The following ARHGAP15 variants were observed in gnomAD, a reference collection of about 807,000 sequenced individuals.
ARHGAP15 encodes rho GTPase-activating protein 15.
A neutral mutation model predicts 63.7 loss-of-function variants in ARHGAP15; 51 were observed. The observed-to-expected ratio is 0.80, with a 90% CI of 0.64 to 1.01. The LOEUF is 1.01. Among genes scored for constraint, ARHGAP15 ranks in the 50% least tolerant of loss-of-function variants. The pLI is 0.00. For missense variants in ARHGAP15, 560 were observed against 564.6 expected, an observed-to-expected ratio of 0.99 and a Z score of 0.08; for synonymous variants, 191 against 193.8, an observed-to-expected ratio of 0.99 and a Z score of 0.12.
chr2:143,364,708 C>T (rs1371982467), intron 6 of ARHGAP15, among the ~76,000 whole-genome samples: 1 of 152,122 alleles, frequency 6.6e-6, no homozygotes, highest in African/African-American at 2.4e-5. Context: ...GGAAAAAGGA[C>T]TCTCACAGAG....
chr2:143,658,975 AAGAAT>A (rs951714870), intron 12 of ARHGAP15, among the ~76,000 whole-genome samples: 7 of 152,208 alleles, frequency 4.6e-5, no homozygotes, highest in Non-Finnish European at 1.0e-4. Context: ...AGAGAAGGAG[AAGAAT>A]AGATGTAGGA....
chr2:143,275,930 C>CT (rs1189790838), intron 6 of ARHGAP15, among the ~76,000 whole-genome samples: 2 of 152,314 alleles, frequency 1.3e-5, no homozygotes, highest in Admixed American at 6.5e-5. Flanking sequence ...ACAGGTAGGG[C>CT]TTGTAAGTCT....
intron 6 of ARHGAP15, among the ~76,000 whole-genome samples, chr2:143,264,703 C>T (rs534410350): frequency 9.2e-5 from 14 of 151,944 alleles, no homozygotes; most frequent in East Asian, 7.7e-4. Flanking sequence ...AATATTGGGC[C>T]GGTTTGTTAC....
At chr2:143,341,560 T>C (rs1484058141) in intron 6 of ARHGAP15, among the ~76,000 whole-genome samples, 3 of 152,154 alleles carry the variant, frequency 2.0e-5, no homozygotes, top group Non-Finnish European at 4.4e-5. Context: ...GTTTTGGTTA[T>C]GCTTAGTCTA....
intron 11 of ARHGAP15, among the ~76,000 whole-genome samples, chr2:143,609,265 C>T (rs893018253): frequency 6.6e-6 from 1 of 152,176 alleles, no homozygotes; most frequent in African/African-American, 2.4e-5. Flanking sequence ...TCAATTCTCT[C>T]TCTAGTTATT....
intron 1 of ARHGAP15, among the ~76,000 whole-genome samples, chr2:143,130,750 G>C (rs1688886606): frequency 6.6e-6 from 1 of 152,030 alleles, no homozygotes; most frequent in South Asian, 2.1e-4. Flanking sequence ...ATTTTTTATT[G>C]TTAGCATGTA....
rs1685928706 is a variant in ARHGAP15, at chr2:143,740,675, CA to C, written c.1245-27313del. ...TCAGTTGATGTAGTCCCAGGTACAG[CA>C]GGGGCAGTTTGCTGTCTTATTGTAG... is the stretch of plus-strand genomic sequence containing the variant. On this transcript the variant is annotated intron_variant, in intron 13 of 13. Coordinates refer to ENST00000295095, the MANE Select transcript of ARHGAP15 (RefSeq NM_018460.4). Among the ~76,000 whole-genome samples the C allele has an allele frequency of 2.6e-5, 4 of 152,228 alleles. No homozygotes were observed. The South Asian group carries it at 6.2e-4, about 24-fold the overall frequency.
chr2:143,283,060 A>G, intron 6 of ARHGAP15, among the ~76,000 whole-genome samples: 1 of 152,184 alleles, frequency 6.6e-6, no homozygotes. Flanking sequence ...ATGACTTTCT[A>G]TGCCCAAATG....
intron 12 of ARHGAP15, among the ~76,000 whole-genome samples, chr2:143,682,510 G>C (rs570138556): frequency 8.5e-5 from 13 of 152,196 alleles, no homozygotes; most frequent in African/African-American, 3.1e-4. Flanking sequence ...ATGTATGTGT[G>C]TGCATGTGTA....
chr2:143,440,530 G>A (rs1298485382), intron 8 of ARHGAP15, among the ~76,000 whole-genome samples: 1 of 152,142 alleles, frequency 6.6e-6, no homozygotes, highest in Non-Finnish European at 1.5e-5. Flanking sequence ...TTTTTTAAAA[G>A]GCATGTGAAC....
intron 6 of ARHGAP15, among the ~76,000 whole-genome samples, chr2:143,359,453 CTT>C (rs1685948238): frequency 6.6e-6 from 1 of 152,132 alleles, no homozygotes; most frequent in Non-Finnish European, 1.5e-5. Flanking sequence ...TATTGTCACT[CTT>C]AGGAAAATGT....
At chr2:143,318,215 C>G (rs1367476198) in intron 6 of ARHGAP15, among the ~76,000 whole-genome samples, 1 of 151,964 alleles carries the variant, frequency 6.6e-6, no homozygotes, top group South Asian at 2.1e-4. Context: ...ACCATGTTAG[C>G]CAGGATGGTC....
intron 13 of ARHGAP15, among the ~76,000 whole-genome samples, chr2:143,728,610 A>G (rs894526554): frequency 1.3e-5 from 2 of 152,190 alleles, no homozygotes; most frequent in Non-Finnish European, 2.9e-5. Flanking sequence ...ATGGGAATGA[A>G]ACAATGATGA....
At chr2:143,144,357 T>C (rs1472155141) in intron 1 of ARHGAP15, among the ~76,000 whole-genome samples, 1 of 152,044 alleles carries the variant, frequency 6.6e-6, no homozygotes, top group Non-Finnish European at 1.5e-5. Context: ...GTTAAACTAA[T>C]TTGTACTCCC....
At chr2:143,464,846 G>T (rs116204992) in intron 8 of ARHGAP15, among the ~76,000 whole-genome samples, 264 of 151,966 alleles carry the variant, frequency 1.7e-3, no homozygotes, top group African/African-American at 5.5e-3. Context: ...TTCCCTTAAA[G>T]CTTTTTATTG....
At chr2:143,397,787 C>T (rs974283768) in intron 6 of ARHGAP15, among the ~76,000 whole-genome samples, 34 of 152,132 alleles carry the variant, frequency 2.2e-4, no homozygotes, top group Non-Finnish European at 4.7e-4. Context: ...CTCTAACATG[C>T]AGGTCTATCT....
intron 6 of ARHGAP15, among the ~76,000 whole-genome samples, chr2:143,299,047 T>TGA (rs1682774386): frequency 1.3e-5 from 2 of 151,990 alleles, no homozygotes; most frequent in Non-Finnish European, 2.9e-5. Flanking sequence ...TGATTCATGT[T>TGA]TCCAGCACTG....
intron 3 of ARHGAP15, among the ~76,000 whole-genome samples, chr2:143,205,368 A>G (rs1271318576): frequency 2.0e-5 from 3 of 151,968 alleles, no homozygotes; most frequent in East Asian, 3.9e-4. Flanking sequence ...CCTTACCACC[A>G]GATGGCATAC....
chr2:143,719,234 C>T (rs972916713), intron 13 of ARHGAP15, among the ~76,000 whole-genome samples: 3 of 152,140 alleles, frequency 2.0e-5, no homozygotes. Context: ...CATTTCTTTA[C>T]TTCATTTATT....
Sources: gnomAD v4.1 joint callset for allele counts (sites outside exome capture counted in the v4.1 genomes callset) on GRCh38, gnomAD v4.1.1 for gene constraint, MANE v1.5 for transcripts, NCBI Gene and HGNC (gene_info 2026-07-23, HGNC 2026-07-21) for gene names.